The following ARHGAP21 variants were observed in gnomAD, a reference collection of about 807,000 sequenced individuals.
ARHGAP21 encodes the protein Rho GTPase activating protein 21, also known as rho GTPase-activating protein 21.
A neutral mutation model predicts 164.6 loss-of-function variants in ARHGAP21; 38 were observed. The observed-to-expected ratio is 0.23, with a 90% CI of 0.18 to 0.30. The LOEUF (loss-of-function observed/expected upper bound fraction) is 0.30, where lower values mean the gene tolerates loss of function less well. Ranked by LOEUF, ARHGAP21 falls within the 10% of genes least tolerant of loss-of-function variation. The pLI is 1.00. For missense variants in ARHGAP21, 1,822 were observed against 2,370.7 expected (o/e 0.77, Z 4.81); for synonymous variants, 766 against 857.9 (o/e 0.89, Z 1.87).
chr10:24,683,534 C>G (rs572963007), intron 2 of ARHGAP21, among the ~76,000 whole-genome samples: 14 of 152,114 alleles, frequency 9.2e-5, no homozygotes, highest in African/African-American at 3.4e-4. Context: ...CTCTGTTGCC[C>G]AGGCTGGAGT....
At chr10:24,683,403 T>G (rs949583517) in intron 2 of ARHGAP21, among the ~76,000 whole-genome samples, 2 of 152,190 alleles carry the variant, frequency 1.3e-5, no homozygotes, top group African/African-American at 4.8e-5. Context: ...ATTTCTGTAT[T>G]CAGGGTTCTG....
chr10:24,714,384 A>G (rs1310724047), intron 2 of ARHGAP21: 2 of 152,240 alleles, frequency 1.3e-5, no homozygotes, highest in Non-Finnish European at 2.9e-5. Flanking sequence ...TTAACCTGGA[A>G]GAAATGAATG....
chr10:24,656,458 C>T (rs1284529206), intron 4 of ARHGAP21, among the ~76,000 whole-genome samples: 1 of 68,542 alleles, frequency 1.5e-5, no homozygotes, highest in Non-Finnish European at 3.1e-5. Flanking sequence ...GCCCGGCCAC[C>T]CCTACTGTGA....
At position 24,600,644 on chromosome 10, in the gene ARHGAP21, A is replaced by G; in HGVS notation, c.3132+2T>C. 1 of 1,612,018 alleles carries G rather than the reference A, an allele frequency of 6.2e-7. No individual in the cohort carries two copies. Among genetic ancestry groups the G allele is most frequent in the Non-Finnish European group, 8.5e-7 (1 of 1,178,340 alleles). On this transcript the variant is annotated splice_donor_variant, in intron 14 of 25. Coordinates refer to ENST00000396432, the MANE Select transcript of ARHGAP21 (RefSeq NM_020824.4). LOFTEE classifies it high-confidence loss of function. The stretch of plus-strand genomic sequence containing the variant: ...TTCTCCAGCATTCCTTTGAACACCC[A>G]CCTCTTCGTTTAGGTTGCTGCTCTC...
At chr10:24,712,136 G>A (rs1228061802) in intron 2 of ARHGAP21, among the ~76,000 whole-genome samples, 4 of 152,058 alleles carry the variant, frequency 2.6e-5, no homozygotes, top group African/African-American at 4.8e-5. Flanking sequence ...GGGTGGTCTC[G>A]AACTCCTGAC....
At chr10:24,639,779 G>C (rs1375396869) in intron 4 of ARHGAP21, among the ~76,000 whole-genome samples, 1 of 152,106 alleles carries the variant, frequency 6.6e-6, no homozygotes, top group Non-Finnish European at 1.5e-5. Context: ...TATAGGCCTG[G>C]GGGCTTTGTC....
rs754117782 is a variant in ARHGAP21 at position 24,620,439 on chromosome 10, C to G, written c.1456G>C (p.Val486Leu). 2.5e-6 allele frequency: 4 copies of G among 1,610,622 alleles called. No homozygotes were observed. The highest frequency in any genetic ancestry group is 1.1e-5 in the South Asian group (1 of 90,946). Residue 486 changes from valine to leucine, a missense_variant, in exon 9 of 26, where the codon GTT becomes CTT. Physicochemically the swap from Val to Leu is conservative, Grantham distance 32. Coordinates refer to ENST00000396432, the MANE Select transcript of ARHGAP21 (RefSeq NM_020824.4). ...ASQGALTSPS[V>L]SFSNHRTRSW... ...CGAGTTCTATGATTACTAAAACTAA[C>G]AGATGGAGACGTCAGTGCTCCTTGA...
intron 4 of ARHGAP21, among the ~76,000 whole-genome samples, chr10:24,662,075 C>T (rs1187551174): frequency 6.6e-6 from 1 of 152,154 alleles, no homozygotes; most frequent in South Asian, 2.1e-4. Flanking sequence ...CACTGCTAGC[C>T]AAGTACTGAA....
intron 2 of ARHGAP21, among the ~76,000 whole-genome samples, chr10:24,680,130 G>A (rs1230569466): frequency 6.6e-6 from 1 of 152,284 alleles, no homozygotes; most frequent in Non-Finnish European, 1.5e-5. Flanking sequence ...CCAAGATTGT[G>A]GCTGGTTTAC....
At chr10:24,671,707 C>T (rs1840716882) in intron 2 of ARHGAP21, among the ~76,000 whole-genome samples, 1 of 150,568 alleles carries the variant, frequency 6.6e-6, no homozygotes. Flanking sequence ...TTTGTAATTT[C>T]TTTAATCTTA....
intron 4 of ARHGAP21, among the ~76,000 whole-genome samples, chr10:24,640,815 T>C (rs1334510309): frequency 6.6e-6 from 1 of 152,138 alleles, no homozygotes; most frequent in East Asian, 1.9e-4. Flanking sequence ...GAAGAATTTA[T>C]TGAGCAATAG....
chr10:24,597,622 T>TCC (rs747563722), intron 15 of ARHGAP21, 39 bp from the exon 16 acceptor site: 1 of 1,607,578 alleles, frequency 6.2e-7, no homozygotes, highest in Admixed American at 1.7e-5. Flanking sequence ...ATTACAGTAA[T>TCC]CCCCCTCTAT....
chr10:24,599,312 C>A (rs2076713333), intron 14 of ARHGAP21, among the ~76,000 whole-genome samples: 1 of 152,154 alleles, frequency 6.6e-6, no homozygotes, highest in African/African-American at 2.4e-5. Context: ...AGCTGAAATC[C>A]ACATCTAAGT....
Position 24,620,745 on chromosome 10 carries a change from T to C in ARHGAP21, c.1150A>G (p.Ile384Val), listed in dbSNP as rs368318856. Reference sequence around the variant, plus strand: ...TAAGTTTTATAGTTTTTCCAGTCTATGTGCTGATGGGAATTTGGCGAATAG... The same window carrying C: ...TAAGTTTTATAGTTTTTCCAGTCTACGTGCTGATGGGAATTTGGCGAATAG... ...NHYSPNSHQH[I>V]DWKNYKTYKE... Residue 384 changes from isoleucine (I) to valine (V), a missense_variant, in exon 9 of 26, where the codon ATA becomes GTA. This residue lies in a region of ARHGAP21 where 1,090 missense variants were observed against 1,378.9 expected (regional missense o/e 0.79). Transcript: ENST00000396432. The C allele has an allele frequency of 6.2e-6, 10 of 1,614,106 alleles. No individual in the cohort carries two copies. In the African/African-American group the frequency reaches 1.1e-4, roughly 17 times the overall value.
intron 9 of ARHGAP21, among the ~76,000 whole-genome samples, chr10:24,617,942 T>A (rs181752321): frequency 2.0e-5 from 3 of 152,260 alleles, no homozygotes; most frequent in Admixed American, 2.0e-4. Flanking sequence ...CTGCATCGCA[T>A]GCCTCCAGGG....
intron 21 of ARHGAP21, among the ~76,000 whole-genome samples, chr10:24,593,204 GGAA>G (rs2076413503): frequency 6.6e-6 from 1 of 152,308 alleles, no homozygotes; most frequent in African/African-American, 2.4e-5. Flanking sequence ...TCAGTGCAGA[GGAA>G]GAAGAAGAAA....
intron 5 of ARHGAP21, among the ~76,000 whole-genome samples, chr10:24,634,798 C>G (rs553924271): frequency 2.6e-5 from 4 of 152,314 alleles, no homozygotes; most frequent in African/African-American, 9.6e-5. Context: ...AAAGTGCTCA[C>G]AGTGTATCAA....
intron 2 of ARHGAP21, among the ~76,000 whole-genome samples, chr10:24,716,517 A>C (rs943408878): frequency 2.6e-5 from 4 of 152,212 alleles, no homozygotes; most frequent in African/African-American, 4.8e-5. Flanking sequence ...AAGAGACCAG[A>C]ATGGCTAGCA....
At chr10:24,632,231 T>C (rs770171592) in intron 6 of ARHGAP21, among the ~76,000 whole-genome samples, 1 of 152,218 alleles carries the variant, frequency 6.6e-6, no homozygotes. Context: ...GAAGAATCAA[T>C]GTAGATTTTG....
Sources: allele counts gnomAD v4.1 joint callset (sites outside exome capture counted in the v4.1 genomes callset), GRCh38; gene constraint gnomAD v4.1.1; regional missense constraint gnomAD v4.1.1; transcripts MANE v1.5; gene names NCBI Gene and HGNC (gene_info 2026-07-23, HGNC 2026-07-21).